The following KDM5A variants were observed in gnomAD, a reference collection of about 807,000 sequenced individuals.
The protein encoded by KDM5A is lysine-specific demethylase 5A.
KDM5A carries 42 observed loss-of-function variants against 193.5 expected under a neutral mutation model. The observed-to-expected ratio is 0.22, with a 90% confidence interval of 0.17 to 0.28. KDM5A has a LOEUF of 0.28. KDM5A is among the 10% of genes least tolerant of loss of function. The pLI, the probability that KDM5A is intolerant of heterozygous loss-of-function variation, is 1.00. For synonymous variants in KDM5A, 796 were observed against 718.1 expected, an observed-to-expected ratio of 1.11 and a Z score of -1.73; for missense variants, 1,692 against 2,055.1, an observed-to-expected ratio of 0.82 and a Z score of 3.42.
chr12:324,012 A>G (rs1272835141), intron 14 of KDM5A, among the ~76,000 whole-genome samples: 1 of 152,224 alleles, frequency 6.6e-6, no homozygotes, highest in East Asian at 1.9e-4. Flanking sequence ...TGACAAAACT[A>G]TAAAGAAACA....
chr12:369,633 T>C (rs1944400992), intron 3 of KDM5A, among the ~76,000 whole-genome samples: 2 of 152,120 alleles, frequency 1.3e-5, no homozygotes, highest in Non-Finnish European at 1.5e-5. Context: ...AGTGAAGTAG[T>C]TAACTAGCAG....
chr12:322,960 T>C (rs1943736685), intron 16 of KDM5A, 122 bp downstream of exon 16: 1 of 1,315,764 alleles, frequency 7.6e-7, no homozygotes, highest in Non-Finnish European at 1.1e-6. Flanking sequence ...CCCATTAATC[T>C]CAAATCTCAT....
chr12:383,470 A>G (rs938216272), intron 3 of KDM5A, among the ~76,000 whole-genome samples: 12 of 151,082 alleles, frequency 7.9e-5, no homozygotes, highest in Non-Finnish European at 1.5e-4. Flanking sequence ...TCCCACCTCA[A>G]CCTCCTAAAG....
intron 5 of KDM5A, among the ~76,000 whole-genome samples, chr12:357,827 C>CAAAAAAAAAAAAAAAAAAAAAAAAAAA (rs61577928): frequency 3.3e-5 from 1 of 29,866 alleles, no homozygotes; most frequent in African/African-American, 2.0e-4. Context: ...GACTCAGTCT[C>CAAAAAAAAAAAAAAAAAAAAAAAAAAA]AAAAAAAAAA....
intron 10 of KDM5A, among the ~76,000 whole-genome samples, chr12:343,144 C>T (rs1295770634): frequency 6.6e-6 from 1 of 152,218 alleles, no homozygotes; most frequent in Non-Finnish European, 1.5e-5. Flanking sequence ...CTCCGCAGGT[C>T]CCACACCCAC....
intron 13 of KDM5A, among the ~76,000 whole-genome samples, chr12:331,141 A>G (rs1374521668): frequency 3.3e-5 from 5 of 149,660 alleles, no homozygotes; most frequent in Non-Finnish European, 7.4e-5. Flanking sequence ...TGTCTATCAG[A>G]AAAAAAAAAT....
chr12:348,753 G>A (rs1475888313), intron 10 of KDM5A, among the ~76,000 whole-genome samples: 1 of 151,834 alleles, frequency 6.6e-6, no homozygotes, highest in Non-Finnish European at 1.5e-5. Context: ...ACACACTGGG[G>A]CCTGTCAGGG....
chr12:381,423 T>TTTTTTTTCAAA (rs1393498126), intron 3 of KDM5A, among the ~76,000 whole-genome samples: 6 of 152,070 alleles, frequency 3.9e-5, no homozygotes, highest in Non-Finnish European at 8.8e-5. Context: ...ATTTTTGAAA[T>TTTTTTTTCAAA]TTTTTTTGTA....
intron 14 of KDM5A, among the ~76,000 whole-genome samples, chr12:326,109 G>T (rs1449132335): frequency 1.3e-5 from 2 of 152,222 alleles, no homozygotes; most frequent in African/African-American, 4.8e-5. Context: ...GGAAAGAAAA[G>T]TGGTTTGTGA....
At chr12:302,715 T>A (rs150440600) in intron 24 of KDM5A, among the ~76,000 whole-genome samples, 1,636 of 152,146 alleles carry the variant, frequency 0.011, 14 homozygotes, top group Middle Eastern at 0.027. Context: ...AAAGAAACTA[T>A]CAGCAGAGTG....
At position 285,454 on chromosome 12, in the gene KDM5A, T is replaced by A. The variant is rs934272621; in HGVS notation, c.*2A>T. 2 of 1,613,472 alleles carry A rather than the reference T, an allele frequency of 1.2e-6. No homozygotes were observed. Among genetic ancestry groups the A allele is most frequent in the Non-Finnish European group, 8.5e-7 (1 of 1,179,580 alleles). On this transcript the variant is annotated 3_prime_UTR_variant, in exon 28 of 28. Transcript: ENST00000399788. Reference sequence around the variant, plus strand: ...CCATGTCCCAAACTAACCAAGCATCTGCTAACTGGTCTCTTTAAGATCCTC... The same window carrying A: ...CCATGTCCCAAACTAACCAAGCATCAGCTAACTGGTCTCTTTAAGATCCTC...
At position 289,121 on chromosome 12, in the gene KDM5A, C is replaced by T. The variant is rs935416242; in HGVS notation, c.4867-3459G>A. On this transcript the variant is annotated intron_variant, in intron 27 of 27. Transcript: ENST00000399788. ...TCTCTTAATTTACCACACAAAACTTCTCATGGAAGTAGGAATGGGTAAAGG... is the reference window on the plus strand; with the variant it reads ...TCTCTTAATTTACCACACAAAACTTTTCATGGAAGTAGGAATGGGTAAAGG... Among the ~76,000 whole-genome samples the T allele has an allele frequency of 2.0e-5, 3 of 151,902 alleles. No individual in the cohort carries two copies. In the East Asian group the frequency reaches 5.8e-4, roughly 29 times the overall value.
intron 5 of KDM5A, among the ~76,000 whole-genome samples, chr12:357,364 G>T (rs1944239965): frequency 6.6e-6 from 1 of 150,676 alleles, no homozygotes; most frequent in East Asian, 2.0e-4. Flanking sequence ...AGCTGGGCAT[G>T]TTGGCACACA....
intron 26 of KDM5A, 116 bp from the exon 27 acceptor site, chr12:293,285 A>G: frequency 1.2e-6 from 1 of 824,830 alleles, no homozygotes; most frequent in South Asian, 1.8e-5. Context: ...AGTCGAACAG[A>G]GGTTACCAGA....
chr12:383,684 T>C (rs1173933663), intron 3 of KDM5A, among the ~76,000 whole-genome samples: 3 of 152,094 alleles, frequency 2.0e-5, no homozygotes, highest in East Asian at 1.9e-4. Context: ...TCTCAACAAA[T>C]ATAAAATAAG....
At chr12:362,690 T>C (rs1406009003) in intron 5 of KDM5A, among the ~76,000 whole-genome samples, 1 of 152,188 alleles carries the variant, frequency 6.6e-6, no homozygotes, top group Non-Finnish European at 1.5e-5. Flanking sequence ...TCCATTCATC[T>C]CAAAGGTAAA....
Position 326,880 on chromosome 12 carries a change from A to G in KDM5A, c.1968+1955T>C, listed in dbSNP as rs1565534958. On this transcript the variant is annotated intron_variant, in intron 14 of 27. Coordinates refer to ENST00000399788, the MANE Select transcript of KDM5A (RefSeq NM_001042603.3). ...ACTCTGTCTCAAAAAAAAAAAAAAAAAAAAAAAAAAAGAAAAGAAACCATT... is the reference window on the plus strand; with the variant it reads ...ACTCTGTCTCAAAAAAAAAAAAAAAGAAAAAAAAAAAGAAAAGAAACCATT... Among the ~76,000 whole-genome samples the G allele has an allele frequency of 2.0e-5, 3 of 150,980 alleles. No individual in the cohort carries two copies. The East Asian group carries it at 5.8e-4, about 29-fold the overall frequency.
At chr12:372,009 G>C (rs1182879707) in intron 3 of KDM5A, among the ~76,000 whole-genome samples, 1 of 152,176 alleles carries the variant, frequency 6.6e-6, no homozygotes, top group Non-Finnish European at 1.5e-5. Context: ...TAGCCTTGTA[G>C]TATAGTTTGA....
At chr12:323,967 G>T (rs1591913392) in intron 14 of KDM5A, among the ~76,000 whole-genome samples, 186 bp from the exon 15 acceptor site, 1 of 152,116 alleles carries the variant, frequency 6.6e-6, no homozygotes, top group East Asian at 1.9e-4. Flanking sequence ...CAATGGGCAA[G>T]ATTAAAGTTT....
Sources: gnomAD v4.1 joint callset for allele counts (sites outside exome capture counted in the v4.1 genomes callset) on GRCh38, gnomAD v4.1.1 for gene constraint, MANE v1.5 for transcripts, NCBI Gene and HGNC (gene_info 2026-07-23, HGNC 2026-07-21) for gene names.